The following CACNA1C variants were observed in gnomAD, a reference collection of about 807,000 sequenced individuals.
The protein encoded by CACNA1C is voltage-dependent L-type calcium channel subunit alpha-1C.
Under a neutral mutation model 229.0 loss-of-function variants are expected in CACNA1C, and 30 were observed. The observed-to-expected ratio is 0.13, with a 90% CI of 0.10 to 0.18. CACNA1C has a LOEUF of 0.18. Ranked by LOEUF, CACNA1C falls within the 10% of genes least tolerant of loss-of-function variation. The pLI is 1.00. For synonymous variants in CACNA1C, 1,114 were observed against 1,132.5 expected (o/e 0.98, Z 0.33); for missense variants, 1,658 against 2,845.0 (o/e 0.58, Z 9.49).
rs999863255 is a variant in CACNA1C, at chr12:2,275,977, C to T, written c.477+155547C>T. Reference sequence around the variant, plus strand: ...CTCTCAGATACAAAACCCAAGGATGCCCATGTCCTTTTATGTATGTAGATT... The same window carrying T: ...CTCTCAGATACAAAACCCAAGGATGTCCATGTCCTTTTATGTATGTAGATT... On this transcript the variant is annotated intron_variant, in intron 3 of 46. Transcript: ENST00000399655. The surrounding 1 kb of genome is among the most constrained non-coding windows in gnomAD (Gnocchi z 4.1). 6.6e-6 allele frequency among the ~76,000 whole-genome samples: 1 copy of T among 152,138 alleles called. No homozygotes were observed. Among genetic ancestry groups the T allele is most frequent in the Admixed American group, 6.5e-5 (1 of 15,276 alleles).
intron 15 of CACNA1C, among the ~76,000 whole-genome samples, chr12:2,583,414 G>A (rs1051008538): frequency 6.6e-6 from 1 of 152,200 alleles, no homozygotes; most frequent in Non-Finnish European, 1.5e-5. Context: ...CTTTAGTCAC[G>A]GGCAGAGCTG....
At chr12:2,577,589 T>C (rs1038092104) in intron 13 of CACNA1C, among the ~76,000 whole-genome samples, 1 of 152,238 alleles carries the variant, frequency 6.6e-6, no homozygotes, top group Non-Finnish European at 1.5e-5. Context: ...TCTCACTGTT[T>C]GGCAAAGTGT....
intron 3 of CACNA1C, among the ~76,000 whole-genome samples, chr12:2,142,285 C>T (rs1433827315): frequency 6.6e-6 from 1 of 150,988 alleles, no homozygotes; most frequent in Non-Finnish European, 1.5e-5. Flanking sequence ...ATCACGGAGC[C>T]GAAACCTCCC....
intron 1 of CACNA1C, among the ~76,000 whole-genome samples, chr12:2,109,345 C>T (rs972988066): frequency 4.6e-5 from 7 of 152,110 alleles, no homozygotes; most frequent in Admixed American, 2.0e-4. Context: ...GGAGTGGGGG[C>T]TTGAAGAAGG....
chr12:2,671,639 G>A (rs930411399), intron 38 of CACNA1C, among the ~76,000 whole-genome samples: 2 of 152,152 alleles, frequency 1.3e-5, no homozygotes, highest in African/African-American at 4.8e-5. Flanking sequence ...AGGGTCGAAG[G>A]TTCACTGTCA....
chr12:2,414,561 G>C (rs187704176), intron 3 of CACNA1C, among the ~76,000 whole-genome samples: 2 of 152,284 alleles, frequency 1.3e-5, no homozygotes, highest in African/African-American at 4.8e-5. Context: ...AGTGTCAAAG[G>C]AAGGGCAGCG....
chr12:2,594,320 T>C lies in CACNA1C; in HGVS notation c.2663+975T>C, dbSNP rs372321088. ...ATATTTCTTCCTTCTGACACTCCAA[T>C]TGGACATCTGTTAGACATTTTCATT... On this transcript the variant is annotated intron_variant, in intron 19 of 46. Transcript: ENST00000399655. 4.2e-4 allele frequency among the ~76,000 whole-genome samples: 64 copies of C among 152,388 alleles called. No homozygotes were observed. The South Asian group carries it at 7.7e-3, about 18-fold the overall frequency.
chr12:2,398,486 C>T (rs61907805), intron 3 of CACNA1C, among the ~76,000 whole-genome samples: 14,042 of 152,226 alleles, frequency 0.092, 735 homozygotes, highest in Middle Eastern at 0.14. Flanking sequence ...GTCTGTGCAT[C>T]GGGAGACTGG....
At chr12:2,229,416 T>C (rs921317126) in intron 3 of CACNA1C, among the ~76,000 whole-genome samples, 3 of 152,200 alleles carry the variant, frequency 2.0e-5, no homozygotes, top group African/African-American at 7.2e-5. Flanking sequence ...CCTTCATTCA[T>C]CAAATATTTA....
At chr12:2,187,536 T>C (rs929426178) in intron 3 of CACNA1C, among the ~76,000 whole-genome samples, 5 of 152,088 alleles carry the variant, frequency 3.3e-5, no homozygotes, top group Admixed American at 1.3e-4. Context: ...CAGGGCTTAG[T>C]TTGTTCATTC....
chr12:2,649,703 T>G lies in CACNA1C; in HGVS notation c.3945+1196T>G, dbSNP rs1483009817. 6.6e-6 allele frequency among the ~76,000 whole-genome samples: 1 copy of G among 152,068 alleles called. No homozygotes were observed. Among genetic ancestry groups the G allele is most frequent in the Non-Finnish European group, 1.5e-5 (1 of 68,004 alleles). On this transcript the variant is annotated intron_variant, in intron 31 of 46. Coordinates refer to ENST00000399655, the MANE Select transcript of CACNA1C (RefSeq NM_000719.7). This position sits in a 1 kb window ranked among gnomAD's most constrained non-coding sequence, Gnocchi z 4.4. Reference sequence around the variant, plus strand: ...TGGGTTTTTTTGTTTGTTTATTTTGTTTTTTTAACTGAGCAGATCCAGATG... The same window carrying G: ...TGGGTTTTTTTGTTTGTTTATTTTGGTTTTTTAACTGAGCAGATCCAGATG...
chr12:2,316,708 T>G (rs1486342289), intron 3 of CACNA1C, among the ~76,000 whole-genome samples: 3 of 152,188 alleles, frequency 2.0e-5, no homozygotes, highest in African/African-American at 7.2e-5. Flanking sequence ...ATGAACTCAT[T>G]AGTTCACCAA....
chr12:2,238,567 C>T (rs1455265085), intron 3 of CACNA1C, among the ~76,000 whole-genome samples: 1 of 152,172 alleles, frequency 6.6e-6, no homozygotes, highest in Non-Finnish European at 1.5e-5. Context: ...TGAGAATGGT[C>T]AGGTAGCTCT....
chr12:2,557,652 T>G (rs760635465), intron 11 of CACNA1C, among the ~76,000 whole-genome samples: 13 of 152,250 alleles, frequency 8.5e-5, no homozygotes, highest in Admixed American at 4.6e-4. Flanking sequence ...CAGATGTGAC[T>G]GCTTCCGTGT....
chr12:2,651,612 T>C lies in CACNA1C; in HGVS notation c.3946-28T>C, dbSNP rs1045436064. On this transcript the variant is annotated intron_variant, in intron 31 of 46. Transcript: ENST00000399655. This position sits in a 1 kb window ranked among gnomAD's most constrained non-coding sequence, Gnocchi z 5.4. The stretch of plus-strand genomic sequence containing the variant: ...CTCACCCCCCTCTTGCTGTGCTAAC[T>C]GCACCTCCTGTTGCCGACGGGTTCC... 22 of 1,613,766 alleles carry C rather than the reference T, an allele frequency of 1.4e-5. No homozygotes were observed. The highest frequency in any genetic ancestry group is 1.9e-5 in the Non-Finnish European group (22 of 1,179,870).
chr12:2,079,589 G>A (rs950220757), intron 1 of CACNA1C, among the ~76,000 whole-genome samples: 1 of 152,106 alleles, frequency 6.6e-6, no homozygotes, highest in Non-Finnish European at 1.5e-5. Context: ...CCAGAAGGCC[G>A]CACCTCCTCA....
intron 3 of CACNA1C, among the ~76,000 whole-genome samples, chr12:2,194,096 C>T (rs774554493): frequency 5.9e-5 from 9 of 152,060 alleles, no homozygotes; most frequent in Admixed American, 1.3e-4. Context: ...CCCAAGATTA[C>T]CTGCCCCGTC....
intron 1 of CACNA1C, chr12:1,998,078 G>T: frequency 1.1e-6 from 1 of 943,702 alleles, no homozygotes; most frequent in Non-Finnish European, 1.6e-6. Flanking sequence ...AACTTCAATG[G>T]GCCAAATATA....
chr12:2,224,863 G>A (rs958572419), intron 3 of CACNA1C, among the ~76,000 whole-genome samples: 3 of 152,180 alleles, frequency 2.0e-5, no homozygotes, highest in Non-Finnish European at 1.5e-5. Context: ...GTTTTCTGAT[G>A]TTGGGTTGAA....
Sources: allele counts gnomAD v4.1 joint callset (sites outside exome capture counted in the v4.1 genomes callset), GRCh38; gene constraint gnomAD v4.1.1; non-coding constraint Gnocchi (gnomAD v3.1); transcripts MANE v1.5; gene names NCBI Gene and HGNC (gene_info 2026-07-23, HGNC 2026-07-21).